Variants in NLRC3 observed in about 807,000 individuals in gnomAD.
NLRC3 encodes the protein NLR family CARD domain containing 3, also known as NLR family CARD domain-containing protein 3.
A neutral mutation model predicts 91.6 loss-of-function variants in NLRC3; 87 were observed. The ratio of observed to expected loss-of-function variants is 0.95; its 90% CI spans 0.80 to 1.14. The LOEUF is 1.14. Among genes scored for constraint, NLRC3 ranks in the 50% most tolerant of loss-of-function variants. NLRC3 has a pLI of 0.00. For missense variants in NLRC3, 1,577 were observed against 1,418.6 expected, an observed-to-expected ratio of 1.11 and a Z score of -1.79; for synonymous variants, 694 against 625.3, an observed-to-expected ratio of 1.11 and a Z score of -1.64.
chr16:3,566,816 G>C (rs2039902702), intron 2 of NLRC3, among the ~76,000 whole-genome samples: 1 of 152,186 alleles, frequency 6.6e-6, no homozygotes, highest in Admixed American at 6.5e-5. Flanking sequence ...ACTTGAACCT[G>C]GAAGGTAGAG....
intron 1 of NLRC3, among the ~76,000 whole-genome samples, chr16:3,572,370 G>A (rs367984996): frequency 6.6e-6 from 1 of 152,014 alleles, no homozygotes; most frequent in African/African-American, 2.4e-5. Flanking sequence ...CATGATCAGG[G>A]TTCACTGCAG....
intron 8 of NLRC3, among the ~76,000 whole-genome samples, chr16:3,555,024 A>G (rs867728462): frequency 2.0e-5 from 3 of 152,078 alleles, no homozygotes; most frequent in Non-Finnish European, 2.9e-5. Flanking sequence ...GAGGTCAGCA[A>G]TTTGAGACCA....
At chr16:3,571,425 G>A (rs1011373737) in intron 1 of NLRC3, among the ~76,000 whole-genome samples, 26 of 150,796 alleles carry the variant, frequency 1.7e-4, no homozygotes, top group Non-Finnish European at 3.1e-4. Context: ...GGCACCTGTG[G>A]AACTAGCTAT....
chr16:3,565,243 C>CCACACG, intron 3 of NLRC3, 76 bp downstream of exon 3: 1 of 696,458 alleles, frequency 1.4e-6, no homozygotes, highest in Middle Eastern at 2.9e-4. Context: ...TGGGTGGTAG[C>CCACACG]AATGATCACA....
At chr16:3,565,141 C>A in intron 3 of NLRC3, 81 bp from the exon 4 acceptor site, 1 of 1,082,506 alleles carries the variant, frequency 9.2e-7, no homozygotes. Flanking sequence ...TCCCCAGGAA[C>A]GGGGTCAGGG....
chr16:3,556,799 G>A (rs190764212), intron 8 of NLRC3, 112 bp downstream of exon 8: 12 of 734,872 alleles, frequency 1.6e-5, no homozygotes, highest in Admixed American at 2.2e-5. Context: ...CACTGTGCCC[G>A]GCCCCATGCC....
rs1454006742 is a variant in NLRC3, at chr16:3,549,241, A to T, written c.2520-16T>A. On this transcript the variant is annotated splice_polypyrimidine_tract_variant and intron_variant, in intron 12 of 19. Transcript: ENST00000359128. ...TTCTCGAAGGCTGAAAAAAAAGGAA[A>T]GACCTGAGCTTCTGACCGGGCAGAT... is the stretch of plus-strand genomic sequence containing the variant. 6.4e-7 allele frequency: 1 copy of T among 1,555,378 alleles called. No homozygotes were observed. Among genetic ancestry groups the T allele is most frequent in the East Asian group, 2.4e-5 (1 of 42,224 alleles).
chr16:3,560,779 C>A (rs1425797442), intron 6 of NLRC3, among the ~76,000 whole-genome samples: 1 of 151,586 alleles, frequency 6.6e-6, no homozygotes, highest in Non-Finnish European at 1.5e-5. Flanking sequence ...CCTGCCTCAG[C>A]CTCCTGAGTA....
At chr16:3,575,649 C>T (rs1302536593) in intron 1 of NLRC3, among the ~76,000 whole-genome samples, 1 of 152,216 alleles carries the variant, frequency 6.6e-6, no homozygotes, top group Non-Finnish European at 1.5e-5. Flanking sequence ...GTGGTGTGGG[C>T]TCAAGCCCAG....
chr16:3,547,148 G>A (rs769831801), intron 15 of NLRC3, among the ~76,000 whole-genome samples: 7 of 152,142 alleles, frequency 4.6e-5, no homozygotes, highest in Admixed American at 2.0e-4. Flanking sequence ...ACAACCCAAC[G>A]TCCGTCAGCT....
chr16:3,569,213 C>T (rs2039994387), intron 1 of NLRC3, among the ~76,000 whole-genome samples: 1 of 150,624 alleles, frequency 6.6e-6, no homozygotes, highest in Non-Finnish European at 1.5e-5. Context: ...ATTGGGGACA[C>T]TGAGGTTGGA....
At chr16:3,573,298 A>T (rs1317376453) in intron 1 of NLRC3, among the ~76,000 whole-genome samples, 1 of 151,408 alleles carries the variant, frequency 6.6e-6, no homozygotes, top group Non-Finnish European at 1.5e-5. Flanking sequence ...ACGGTGGCGC[A>T]TGCCTGTAAT....
At chr16:3,542,302 G>A (rs757640497) in intron 18 of NLRC3, 28 bp from the exon 19 acceptor site, 7 of 1,417,788 alleles carry the variant, frequency 4.9e-6, no homozygotes, top group African/African-American at 4.3e-5. Context: ...GGAGACACAC[G>A]GTGAGCCATC....
At position 3,541,331 on chromosome 16, in the gene NLRC3, T is replaced by C. The variant is rs1235161577; in HGVS notation, c.*494A>G. On this transcript the variant is annotated 3_prime_UTR_variant, in exon 20 of 20. Transcript: ENST00000359128. The stretch of plus-strand genomic sequence containing the variant: ...AGCTTTTTCATGTCTGTAAGGATGA[T>C]ACCCTGAAATCTTCTTCTTGAGAAG... The C allele has an allele frequency of 6.5e-6, 1 of 153,392 alleles. No homozygotes were observed. Among genetic ancestry groups the C allele is most frequent in the Non-Finnish European group, 1.5e-5 (1 of 68,892 alleles). The allele number at this position is 153,392 out of a possible 1,614,324, so 9.5% of individuals were successfully genotyped here.
intron 6 of NLRC3, among the ~76,000 whole-genome samples, chr16:3,558,262 T>G (rs139718890): frequency 4.9e-4 from 74 of 152,126 alleles, no homozygotes; most frequent in Non-Finnish European, 8.8e-4. Context: ...GCCTAGAAGG[T>G]TGAGGCTGCA....
intron 1 of NLRC3, among the ~76,000 whole-genome samples, chr16:3,574,445 A>G (rs111970381): frequency 1.9e-3 from 295 of 151,930 alleles, no homozygotes; most frequent in African/African-American, 6.8e-3. Context: ...CTGGGAGAGG[A>G]ATGAGGGAGG....
At chr16:3,543,231 G>A (rs1019464794) in intron 17 of NLRC3, 194 bp downstream of exon 17, 67 of 581,316 alleles carry the variant, frequency 1.2e-4, no homozygotes, top group Admixed American at 7.4e-4. Context: ...AGGCCAACCC[G>A]GAGAGGAGGG....
Position 3,549,191 on chromosome 16 carries a change from G to A in NLRC3, c.2554C>T (p.Gln852Ter), listed in dbSNP as rs778991379. The change falls in exon 13 of 20, where the codon CAG (glutamine) becomes TAG (stop). Residue 852 changes from glutamine to a stop codon, truncating the protein, a stop_gained. Coordinates refer to ENST00000359128, the MANE Select transcript of NLRC3 (RefSeq NM_178844.4). LOFTEE classifies it high-confidence loss of function. ...GCGCAGAGGGCATGAGCGATGGCCT[G>A]GGCTCCCTCGGGACTGATGGAGTTT... ...RENSISPEGA[Q>*]AIAHALCANS... 1.0e-5 allele frequency: 16 copies of A among 1,588,502 alleles called. 1 individual carries two copies. In the South Asian group the frequency reaches 1.8e-4, roughly 18 times the overall value.
chr16:3,563,790 T>A lies in NLRC3; in HGVS notation c.1147A>T (p.Ser383Cys). 6.2e-7 allele frequency: 1 copy of A among 1,612,450 alleles called. No individual in the cohort carries two copies. The highest frequency in any genetic ancestry group is 8.5e-7 in the Non-Finnish European group (1 of 1,179,152). Residue 383 changes from serine (S) to cysteine (C), a missense_variant, in exon 5 of 20, where the codon AGC (serine) becomes TGC (cysteine). Coordinates refer to ENST00000359128, the MANE Select transcript of NLRC3 (RefSeq NM_178844.4). ...SGEGQEKGKA[S>C]PRIEQVAHGG... ...TGGGCCACCTGCTCGATGCGAGGGCTTGCCTTGCCCTTCTCCTGCCCCTCC... is the reference window on the plus strand; with the variant it reads ...TGGGCCACCTGCTCGATGCGAGGGCATGCCTTGCCCTTCTCCTGCCCCTCC...
Sources: gnomAD v4.1 joint callset for allele counts (sites outside exome capture counted in the v4.1 genomes callset) on GRCh38, gnomAD v4.1.1 for gene constraint, MANE v1.5 for transcripts, NCBI Gene and HGNC (gene_info 2026-07-23, HGNC 2026-07-21) for gene names.